The following TMEM232 variants were observed in gnomAD, a reference collection of about 807,000 sequenced individuals.
TMEM232 encodes the protein transmembrane protein 232.
A neutral mutation model predicts 78.8 loss-of-function variants in TMEM232; 80 were observed. The observed-to-expected ratio is 1.01, with a 90% CI of 0.85 to 1.22. TMEM232 has a LOEUF of 1.22. Among genes scored for constraint, TMEM232 ranks in the 50% most tolerant of loss-of-function variants. The pLI is 0.00. For missense variants in TMEM232, 881 were observed against 742.2 expected (o/e 1.19, Z -2.17); for synonymous variants, 297 against 254.3 (o/e 1.17, Z -1.60).
intron 10 of TMEM232, among the ~76,000 whole-genome samples, chr5:110,597,210 A>G (rs1213128625): frequency 6.6e-6 from 1 of 152,226 alleles, no homozygotes; most frequent in Non-Finnish European, 1.5e-5. Context: ...AAGCATTCTT[A>G]TACACCAATA....
intron 7 of TMEM232, among the ~76,000 whole-genome samples, chr5:110,620,143 G>C (rs1444399183): frequency 2.6e-5 from 4 of 152,086 alleles, no homozygotes; most frequent in East Asian, 1.9e-4. Flanking sequence ...CAAGATTTGA[G>C]TTTTATCTTC....
chr5:110,661,785 CT>C (rs1407833861), intron 2 of TMEM232, among the ~76,000 whole-genome samples: 1 of 152,170 alleles, frequency 6.6e-6, no homozygotes, highest in Non-Finnish European at 1.5e-5. Context: ...GAGCATTCCT[CT>C]TTCTCCACAT....
intron 10 of TMEM232, among the ~76,000 whole-genome samples, chr5:110,578,094 T>A (rs1219300388): frequency 6.6e-6 from 1 of 151,950 alleles, no homozygotes; most frequent in East Asian, 1.9e-4. Context: ...ATAAAAATAA[T>A]TAACTTCTGG....
chr5:110,610,248 G>GAGGAAGGA (rs1427420014), intron 8 of TMEM232, among the ~76,000 whole-genome samples: 80 of 137,940 alleles, frequency 5.8e-4, no homozygotes, highest in African/African-American at 2.0e-3. Flanking sequence ...GGAAGGAAGG[G>GAGGAAGGA]AGGAAGGGAG....
rs538145610 is a variant in TMEM232, at chr5:110,544,695, ATAT to A, written c.1456-15863_1456-15861del. On this transcript the variant is annotated intron_variant, in intron 11 of 13. Transcript: ENST00000455884. Reference sequence around the variant, plus strand: ...TGAGATATTTAACTTGTTTTTGAAAATATTTTTTTTCTTAAATGTTTTTCAAAA... The same window carrying A: ...TGAGATATTTAACTTGTTTTTGAAAATTTTTTTCTTAAATGTTTTTCAAAA... 2.0e-5 allele frequency among the ~76,000 whole-genome samples: 3 copies of A among 151,944 alleles called. No homozygotes were observed. In the South Asian group the frequency reaches 6.2e-4, roughly 32 times the overall value.
At chr5:110,510,105 C>CT (rs1767543613) in intron 12 of TMEM232, among the ~76,000 whole-genome samples, 3 of 152,100 alleles carry the variant, frequency 2.0e-5, no homozygotes, top group Admixed American at 6.6e-5. Flanking sequence ...TACTGTGCTC[C>CT]TTCCCAAGGA....
intron 1 of TMEM232, among the ~76,000 whole-genome samples, chr5:110,690,194 C>G (rs28802654): frequency 3.5e-4 from 54 of 152,206 alleles, no homozygotes; most frequent in Non-Finnish European, 6.3e-4. Flanking sequence ...TCAGAGTGAA[C>G]AGGCAACCTA....
intron 4 of TMEM232, among the ~76,000 whole-genome samples, chr5:110,638,892 A>C (rs1306334426): frequency 1.3e-5 from 2 of 152,222 alleles, no homozygotes; most frequent in African/African-American, 4.8e-5. Flanking sequence ...AAAGATAAAA[A>C]GGGAATAGCA....
At chr5:110,521,510 A>G (rs1170904273) in intron 12 of TMEM232, among the ~76,000 whole-genome samples, 1 of 152,190 alleles carries the variant, frequency 6.6e-6, no homozygotes, top group Non-Finnish European at 1.5e-5. Flanking sequence ...TTGGTGTCAT[A>G]TTCAAGAAAA....
At chr5:110,388,224 T>A (rs530422190) in intron 4 of TMEM232, among the ~76,000 whole-genome samples, 2 of 152,208 alleles carry the variant, frequency 1.3e-5, no homozygotes, top group African/African-American at 4.8e-5. Context: ...ATTTATAGAA[T>A]GTACTGGGAA....
intron 12 of TMEM232, among the ~76,000 whole-genome samples, chr5:110,496,519 G>GA (rs1765660190): frequency 6.6e-6 from 1 of 151,922 alleles, no homozygotes; most frequent in African/African-American, 2.4e-5. Flanking sequence ...GACAAATGTG[G>GA]AATATATGCC....
At chr5:110,452,419 T>C (rs1296914718) in intron 12 of TMEM232, among the ~76,000 whole-genome samples, 1 of 152,174 alleles carries the variant, frequency 6.6e-6, no homozygotes, top group Non-Finnish European at 1.5e-5. Flanking sequence ...TTCTTTGGGA[T>C]TGATTTTGTA....
At chr5:110,425,676 C>A (rs1757149686) in intron 12 of TMEM232, among the ~76,000 whole-genome samples, 1 of 152,032 alleles carries the variant, frequency 6.6e-6, no homozygotes, top group Admixed American at 6.6e-5. Flanking sequence ...CTATTCTGCA[C>A]TAAAGGCTTC....
At chr5:110,532,076 G>A (rs1035725988) in intron 11 of TMEM232, among the ~76,000 whole-genome samples, 2 of 152,042 alleles carry the variant, frequency 1.3e-5, no homozygotes, top group Non-Finnish European at 2.9e-5. Context: ...CAGCGGCCAG[G>A]CATTCCTCCA....
intron 2 of TMEM232, among the ~76,000 whole-genome samples, chr5:110,665,220 AT>A (rs1369169351): frequency 6.6e-6 from 1 of 152,186 alleles, no homozygotes; most frequent in Non-Finnish European, 1.5e-5. Context: ...GTAACAACAC[AT>A]TTTGATCTAG....
intron 10 of TMEM232, among the ~76,000 whole-genome samples, chr5:110,582,085 T>A (rs974663329): frequency 7.9e-5 from 12 of 152,036 alleles, no homozygotes; most frequent in African/African-American, 2.4e-4. Flanking sequence ...TCAGCCACAG[T>A]GGAAAGCAGT....
At chr5:110,443,138 T>C (rs1759251227) in intron 12 of TMEM232, among the ~76,000 whole-genome samples, 1 of 152,266 alleles carries the variant, frequency 6.6e-6, no homozygotes, top group South Asian at 2.1e-4. Flanking sequence ...CAAGTGGTAA[T>C]GTCAGCCAGG....
At chr5:110,603,128 C>T (rs1030496617) in intron 10 of TMEM232, among the ~76,000 whole-genome samples, 16 of 151,994 alleles carry the variant, frequency 1.1e-4, no homozygotes, top group African/African-American at 3.9e-4. Flanking sequence ...ATATCACACA[C>T]CCGGGCCTGT....
At chr5:110,427,131 CAG>C (rs1269776701) in intron 12 of TMEM232, among the ~76,000 whole-genome samples, 6 of 151,500 alleles carry the variant, frequency 4.0e-5, no homozygotes, top group African/African-American at 1.2e-4. Context: ...GGGATAGAAA[CAG>C]AAAAAATATA....
Sources: allele counts gnomAD v4.1 joint callset (sites outside exome capture counted in the v4.1 genomes callset), GRCh38; gene constraint gnomAD v4.1.1; transcripts MANE v1.5; gene names NCBI Gene and HGNC (gene_info 2026-07-23, HGNC 2026-07-21).